Variants in RETREG1 observed in about 807,000 individuals in gnomAD.
The protein encoded by RETREG1 is reticulophagy regulator 1.
RETREG1 carries 44 observed loss-of-function variants against 54.8 expected under a neutral mutation model. The ratio of observed to expected loss-of-function variants is 0.80; its 90% confidence interval spans 0.63 to 1.03. The LOEUF is 1.03. RETREG1 is among the 50% of genes least tolerant of loss of function. RETREG1 has a pLI of 0.00. For missense variants in RETREG1, 554 were observed against 605.1 expected, an observed-to-expected ratio of 0.92 and a Z score of 0.89; for synonymous variants, 217 against 238.5, an observed-to-expected ratio of 0.91 and a Z score of 0.83.
At position 16,566,103 on chromosome 5, in the gene RETREG1, C is replaced by T. The variant is rs2560828; in HGVS notation, c.428-310G>A. Among the ~76,000 whole-genome samples, 57,033 of 151,892 alleles carry T rather than the reference C, an allele frequency of 0.38. 10,854 individuals are homozygous for T. The highest frequency in any genetic ancestry group is 0.47 in the South Asian group (2,256 of 4,804). On this transcript the variant is annotated intron_variant, in intron 2 of 8. Transcript: ENST00000306320. Reference sequence around the variant, plus strand: ...CCCCTGGGGCAGACAAAATATGAACCCAAGTAAATATGAACCAAGATAGGC... The same window carrying T: ...CCCCTGGGGCAGACAAAATATGAACTCAAGTAAATATGAACCAAGATAGGC...
intron 8 of RETREG1, 29 bp from the exon 9 acceptor site, chr5:16,475,263 T>G (rs1738487621): frequency 6.2e-7 from 1 of 1,605,678 alleles, no homozygotes; most frequent in Admixed American, 1.7e-5. Flanking sequence ...AAGTTCAGAC[T>G]GAAGCACCAT....
At chr5:16,615,344 G>C (rs1182098008) in intron 1 of RETREG1, among the ~76,000 whole-genome samples, 1 of 146,238 alleles carries the variant, frequency 6.8e-6, no homozygotes, top group African/African-American at 2.5e-5. Flanking sequence ...AGCTTGCAGC[G>C]AGCCGAGATC....
intron 3 of RETREG1, among the ~76,000 whole-genome samples, chr5:16,515,843 G>A (rs1428543580): frequency 3.3e-5 from 5 of 152,076 alleles, no homozygotes; most frequent in Admixed American, 6.6e-5. Context: ...AAAACCGTGA[G>A]GGAAAAGAAA....
At chr5:16,609,129 C>T (rs1186261602) in intron 1 of RETREG1, among the ~76,000 whole-genome samples, 3 of 152,174 alleles carry the variant, frequency 2.0e-5, no homozygotes, top group East Asian at 3.9e-4. Flanking sequence ...CAGGAAGCTA[C>T]CATAACAGGC....
intron 3 of RETREG1, among the ~76,000 whole-genome samples, chr5:16,540,949 A>T (rs575193823): frequency 6.6e-6 from 1 of 152,188 alleles, no homozygotes; most frequent in Non-Finnish European, 1.5e-5. Flanking sequence ...GATTCAGTCA[A>T]CTGACAGGTA....
chr5:16,528,497 G>C (rs78306009), intron 3 of RETREG1, among the ~76,000 whole-genome samples: 4,709 of 152,172 alleles, frequency 0.031, 242 homozygotes, highest in African/African-American at 0.11. Flanking sequence ...GTCAGCTCTG[G>C]ATGACATGGA....
intron 3 of RETREG1, among the ~76,000 whole-genome samples, chr5:16,488,601 C>A (rs1330231330): frequency 6.6e-6 from 1 of 152,080 alleles, no homozygotes; most frequent in Non-Finnish European, 1.5e-5. Flanking sequence ...GCCCGGAGGC[C>A]AGGAAAGAGC....
chr5:16,571,132 T>A (rs184520862), intron 2 of RETREG1, among the ~76,000 whole-genome samples: 254 of 152,324 alleles, frequency 1.7e-3, no homozygotes, highest in Non-Finnish European at 2.5e-3. Flanking sequence ...CCAGCTGACA[T>A]CGCTGGCTTC....
In RETREG1 at chr5:16,475,205, A is replaced by G. The variant is rs762028359; in HGVS notation, c.1030T>C (p.Ser344Pro). 1.5e-5 allele frequency: 25 copies of G among 1,613,482 alleles called. 1 individual carries two copies. The East Asian group carries it at 2.7e-4, about 17-fold the overall frequency. Residue 344 changes from serine (S) to proline (P), a missense_variant, in exon 9 of 9, where the codon TCT (serine) becomes CCT (proline). By Grantham distance (74) the Ser-to-Pro change is moderately conservative. Around this residue, in one of 4 missense-constraint regions of RETREG1, gnomAD observed 347 missense variants for 412.3 expected, o/e 0.84. Transcript: ENST00000306320. ...GATGGAAAATCTGAAAGATCTCTAGAGAAAACTTCCTCACTGGGTCGGTCA... is the reference window on the plus strand; with the variant it reads ...GATGGAAAATCTGAAAGATCTCTAGGGAAAACTTCCTCACTGGGTCGGTCA... The part of the protein sequence containing the change: ...DLDRPSEEVF[S>P]RDLSDFPSLE...
intron 3 of RETREG1, 119 bp from the exon 4 acceptor site, chr5:16,483,591 G>T: frequency 9.5e-7 from 1 of 1,056,030 alleles, no homozygotes. Context: ...GAAAAGCCCT[G>T]TGAATTCAGA....
Position 16,597,313 on chromosome 5 carries a change from G to A in RETREG1, c.320+19339C>T, listed in dbSNP as rs1219037836. Among the ~76,000 whole-genome samples, 6 of 152,208 alleles carry A rather than the reference G, an allele frequency of 3.9e-5. No homozygotes were observed. The highest frequency in any genetic ancestry group is 1.9e-4 in the East Asian group (1 of 5,190). ...GAGTAAGAGACACTACAGGTGAACG[G>A]CCTAAAATATCTGACACGGGATAAG... On this transcript the variant is annotated intron_variant, in intron 1 of 8. Transcript: ENST00000306320. This position sits in a 1 kb window ranked among gnomAD's most constrained non-coding sequence, Gnocchi z 4.3.
At chr5:16,601,137 C>G (rs916983966) in intron 1 of RETREG1, among the ~76,000 whole-genome samples, 2 of 152,066 alleles carry the variant, frequency 1.3e-5, no homozygotes, top group African/African-American at 4.8e-5. Flanking sequence ...GAGGTGGAGG[C>G]CAGAGGATTG....
chr5:16,523,732 G>A (rs1031481885), intron 3 of RETREG1, among the ~76,000 whole-genome samples: 2 of 152,052 alleles, frequency 1.3e-5, no homozygotes, highest in South Asian at 2.1e-4. Context: ...GAGTATCAAC[G>A]TACAGTATTT....
intron 3 of RETREG1, among the ~76,000 whole-genome samples, chr5:16,555,282 C>T (rs1741674752): frequency 6.6e-6 from 1 of 152,108 alleles, no homozygotes; most frequent in South Asian, 2.1e-4. Context: ...CTCCCAAGTA[C>T]CTGGGACTAC....
chr5:16,608,506 T>C (rs926293269), intron 1 of RETREG1, among the ~76,000 whole-genome samples: 2 of 152,184 alleles, frequency 1.3e-5, no homozygotes, highest in Admixed American at 1.3e-4. Flanking sequence ...CATCAGCTAT[T>C]CCAAACCTCC....
At chr5:16,509,256 T>C (rs1286422165) in intron 3 of RETREG1, 1 of 154,168 alleles carries the variant, frequency 6.5e-6, no homozygotes, top group African/African-American at 2.4e-5. Flanking sequence ...CAAAAAGGTT[T>C]AAAACAAAAG....
rs1010861901 is a variant in RETREG1, at chr5:16,585,802, C to A, written c.321-13700G>T. 2.0e-5 allele frequency among the ~76,000 whole-genome samples: 3 copies of A among 152,126 alleles called. No individual in the cohort carries two copies. Among genetic ancestry groups the A allele is most frequent in the Non-Finnish European group, 2.9e-5 (2 of 68,028 alleles). ...AAAGGTGAAGGGGAAGCAGGCATCTCATATGGTGGGAGCAGTGGCAAGAGG... is the reference window on the plus strand; with the variant it reads ...AAAGGTGAAGGGGAAGCAGGCATCTAATATGGTGGGAGCAGTGGCAAGAGG... On this transcript the variant is annotated intron_variant, in intron 1 of 8. Coordinates refer to ENST00000306320, the MANE Select transcript of RETREG1 (RefSeq NM_001034850.3). This position sits in a 1 kb window ranked among gnomAD's most constrained non-coding sequence, Gnocchi z 4.5.
chr5:16,582,577 A>G (rs1033233487), intron 1 of RETREG1, among the ~76,000 whole-genome samples: 7 of 148,622 alleles, frequency 4.7e-5, no homozygotes, highest in Non-Finnish European at 3.0e-5. Flanking sequence ...GACAAAGGAG[A>G]GTGTCAGGGC....
intron 1 of RETREG1, among the ~76,000 whole-genome samples, chr5:16,577,668 C>T (rs1742365145): frequency 6.6e-6 from 1 of 152,042 alleles, no homozygotes; most frequent in Non-Finnish European, 1.5e-5. Context: ...GTGTCCCCAC[C>T]CAGATCTCAT....
Sources: allele counts gnomAD v4.1 joint callset (sites outside exome capture counted in the v4.1 genomes callset), GRCh38; gene constraint gnomAD v4.1.1; regional missense constraint gnomAD v4.1.1; non-coding constraint Gnocchi (gnomAD v3.1); transcripts MANE v1.5; gene names NCBI Gene and HGNC (gene_info 2026-07-23, HGNC 2026-07-21).